Variants in SLC22A25 observed in about 807,000 individuals in gnomAD.
SLC22A25 encodes the protein MGI:2442751, MGI:2385316, MGI:3042283, MGI:3645714, MGI:3605624, MGI:2442750.
SLC22A25 carries 44 observed loss-of-function variants against 45.9 expected under a neutral mutation model. The ratio of observed to expected loss-of-function variants is 0.96; its 90% CI spans 0.75 to 1.23. SLC22A25 has a LOEUF of 1.23. Among genes scored for constraint, SLC22A25 ranks in the 50% most tolerant of loss-of-function variants. The pLI, the probability that SLC22A25 is intolerant of heterozygous loss-of-function variation, is 0.00. For missense variants in SLC22A25, 800 were observed against 666.4 expected, an observed-to-expected ratio of 1.20 and a Z score of -2.21; for synonymous variants, 283 against 238.6, an observed-to-expected ratio of 1.19 and a Z score of -1.72.
chr11:63,177,956 A>AC (rs1274544927), intron 9 of SLC22A25, among the ~76,000 whole-genome samples: 1 of 148,974 alleles, frequency 6.7e-6, no homozygotes, highest in African/African-American at 2.5e-5. Flanking sequence ...TAAAAGTGAC[A>AC]CTCCACCTCC....
At chr11:63,212,456 GC>G (rs1565107980) in intron 7 of SLC22A25, among the ~76,000 whole-genome samples, 1 of 152,084 alleles carries the variant, frequency 6.6e-6, no homozygotes, top group Admixed American at 6.5e-5. Context: ...AGAAAATGTG[GC>G]ACATACACAC....
At chr11:63,222,594 C>T (rs1009335357) in intron 5 of SLC22A25, among the ~76,000 whole-genome samples, 3 of 151,908 alleles carry the variant, frequency 2.0e-5, no homozygotes, top group African/African-American at 7.2e-5. Context: ...TCTTCTTTTC[C>T]AGTTGGGTGC....
intron 3 of SLC22A25, among the ~76,000 whole-genome samples, chr11:63,237,130 A>T (rs1164136145): frequency 1.3e-5 from 2 of 152,150 alleles, no homozygotes; most frequent in African/African-American, 4.8e-5. Context: ...TGTAAGTCGG[A>T]GCTAAACATT....
intron 7 of SLC22A25, among the ~76,000 whole-genome samples, chr11:63,206,702 C>A (rs2089414166): frequency 6.6e-6 from 1 of 152,180 alleles, no homozygotes; most frequent in South Asian, 2.1e-4. Flanking sequence ...AATGGCCATA[C>A]TGCCCAAAGT....
At chr11:63,167,958 C>A (rs1269807864) in intron 9 of SLC22A25, 1 of 399,192 alleles carries the variant, frequency 2.5e-6, no homozygotes, top group South Asian at 1.7e-5. Flanking sequence ...AATGAAGCTT[C>A]CAGAGGAAGG....
intron 7 of SLC22A25, among the ~76,000 whole-genome samples, chr11:63,187,042 C>A (rs187137256): frequency 0.018 from 2,722 of 152,016 alleles, 79 homozygotes; most frequent in African/African-American, 0.062. Context: ...TTTTTTGGTT[C>A]CATATGAACT....
Position 63,224,213 on chromosome 11 carries a change from T to A in SLC22A25, c.506+4248A>T, listed in dbSNP as rs114478607. Among the ~76,000 whole-genome samples, 919 of 152,250 alleles carry A rather than the reference T, an allele frequency of 6.0e-3. 12 individuals are homozygous for A. The highest frequency in any genetic ancestry group is 0.02 in the African/African-American group (840 of 41,566). ...CCTTTATCATCTCTTTTTACGTTTT[T>A]TTGTCTTGTAATCTATTTTGTCTCA... On this transcript the variant is annotated intron_variant, in intron 5 of 11. Coordinates refer to ENST00000306494, the MANE Select transcript of SLC22A25 (RefSeq NM_199352.6).
At chr11:63,199,649 T>G (rs1054596513) in intron 7 of SLC22A25, among the ~76,000 whole-genome samples, 3 of 152,080 alleles carry the variant, frequency 2.0e-5, no homozygotes, top group African/African-American at 7.2e-5. Context: ...TGTGTGTTCT[T>G]ATCAGCCTGC....
In SLC22A25 at chr11:63,163,931, G is replaced by C; in HGVS notation, c.1537C>G (p.Leu513Val). Residue 513 changes from leucine (L) to valine (V), a missense_variant, in exon 12 of 12, where the codon CTC becomes GTC. By Grantham distance (32) the Leu-to-Val change is conservative. Coordinates refer to ENST00000306494, the MANE Select transcript of SLC22A25 (RefSeq NM_199352.6). ...TGGTTCCTGGTTTCAGGAAGGAGGA[G>C]GACAACAAGGCCAGAGAGGATGGCA... ...VFAILSGLVV[L>V]LLPETRNQPL... 6.2e-7 allele frequency: 1 copy of C among 1,613,894 alleles called. No homozygotes were observed. Among genetic ancestry groups the C allele is most frequent in the East Asian group, 2.2e-5 (1 of 44,836 alleles).
chr11:63,182,586 T>C (rs1285011071), intron 8 of SLC22A25, among the ~76,000 whole-genome samples: 3 of 152,046 alleles, frequency 2.0e-5, no homozygotes, highest in African/African-American at 7.2e-5. Flanking sequence ...AAAAAAATGC[T>C]ATGCCAATAT....
intron 7 of SLC22A25, among the ~76,000 whole-genome samples, chr11:63,197,938 A>G (rs955553596): frequency 1.3e-5 from 2 of 152,246 alleles, no homozygotes; most frequent in African/African-American, 4.8e-5. Context: ...ACTTCTCAAA[A>G]GAAGACATTT....
At chr11:63,166,410 A>G in intron 9 of SLC22A25, 152 bp from the exon 10 acceptor site, 1 of 1,442,144 alleles carries the variant, frequency 6.9e-7, no homozygotes, top group East Asian at 2.5e-5. Flanking sequence ...TGATATTTTA[A>G]AGTTATCATA....
intron 3 of SLC22A25, among the ~76,000 whole-genome samples, chr11:63,230,798 C>T (rs1172579304): frequency 6.6e-6 from 1 of 152,140 alleles, no homozygotes; most frequent in African/African-American, 2.4e-5. Context: ...TATCCCTCCC[C>T]CATCCCCTAA....
Position 63,209,385 on chromosome 11 carries a change from G to T in SLC22A25, c.830+7929C>A, listed in dbSNP as rs76544384. On this transcript the variant is annotated intron_variant, in intron 7 of 11. Transcript: ENST00000306494. ...TCTTCAGGCCCCACCAGAGGAAAGA[G>T]AATGTCGGCCCCCATATGTGCCAGT... is the stretch of plus-strand genomic sequence containing the variant. Among the ~76,000 whole-genome samples the T allele has an allele frequency of 2.2e-3, 335 of 152,258 alleles. 1 individual carries two copies. Among genetic ancestry groups the T allele is most frequent in the African/African-American group, 7.3e-3 (302 of 41,548 alleles).
intron 4 of SLC22A25, 128 bp downstream of exon 4, chr11:63,229,121 CAA>C: frequency 1.0e-6 from 1 of 952,484 alleles, no homozygotes; most frequent in South Asian, 2.9e-5. Context: ...AGTAGAGAAG[CAA>C]TTAATGTTTC....
At chr11:63,181,277 T>C (rs1195609518) in intron 8 of SLC22A25, among the ~76,000 whole-genome samples, 2 of 152,032 alleles carry the variant, frequency 1.3e-5, no homozygotes, top group African/African-American at 2.4e-5. Flanking sequence ...CCCTTATGTT[T>C]TATTATTATA....
chr11:63,243,484 C>A lies in SLC22A25; in HGVS notation c.-1046G>T. 2.6e-6 allele frequency: 2 copies of A among 763,438 alleles called. No homozygotes were observed. Among genetic ancestry groups the A allele is most frequent in the South Asian group, 2.7e-5 (2 of 74,014 alleles). The allele number at this position is 763,438 out of a possible 1,614,324, so 47.3% of individuals were successfully genotyped here. A position where few individuals can be genotyped will look rare whatever the true frequency, so the allele number is the denominator to read the frequency against. The stretch of plus-strand genomic sequence containing the variant: ...CAACTTCAAAGTCCCATCTGCAACT[C>A]CTGGGTGCTGTCTGCATGTTCCTGG... On this transcript the variant is annotated 5_prime_UTR_variant, in exon 1 of 12. Transcript: ENST00000306494.
chr11:63,196,337 A>G (rs1420848260), intron 7 of SLC22A25, among the ~76,000 whole-genome samples: 1 of 152,192 alleles, frequency 6.6e-6, no homozygotes, highest in Admixed American at 6.5e-5. Context: ...CCTGATGAAC[A>G]TCGATGCAAA....
rs372245191 is a variant in SLC22A25, at chr11:63,226,625, C to T, written c.506+1836G>A. 7.2e-5 allele frequency among the ~76,000 whole-genome samples: 11 copies of T among 152,314 alleles called. No homozygotes were observed. In the East Asian group the frequency reaches 1.5e-3, roughly 21 times the overall value. ...GCATAGCACTGGGTCTTGGCCAAGG[C>T]CCAAGGTAAGCATTTCCTTGTTACC... On this transcript the variant is annotated intron_variant, in intron 5 of 11. Transcript: ENST00000306494.
Sources: gnomAD v4.1 joint callset for allele counts (sites outside exome capture counted in the v4.1 genomes callset) on GRCh38, gnomAD v4.1.1 for gene constraint, MANE v1.5 for transcripts, NCBI Gene and HGNC (gene_info 2026-07-23, HGNC 2026-07-21) for gene names.